PCDHGB7: variants seen among roughly 807,000 people sequenced by gnomAD.
The protein encoded by PCDHGB7 is protocadherin gamma-B7.
In PCDHGB7, 37 loss-of-function variants were observed where a neutral mutation model predicts 61.4. That is an observed-to-expected ratio of 0.60 (90% CI 0.46 to 0.79). The LOEUF (loss-of-function observed/expected upper bound fraction) is 0.79, where lower values mean the gene tolerates loss of function less well. Among genes scored for constraint, PCDHGB7 ranks in the 30% least tolerant of loss-of-function variants. The probability of loss-of-function intolerance (pLI) is 0.00; values close to 1 mark genes in which losing one functional copy is unlikely to be tolerated. For synonymous variants in PCDHGB7, 464 were observed against 503.5 expected (o/e 0.92, Z 1.05); for missense variants, 1,166 against 1,202.5 (o/e 0.97, Z 0.45).
chr5:141,421,109 T>C (rs2096547097), intron 1 of PCDHGB7: 2 of 715,670 alleles, frequency 2.8e-6, no homozygotes, highest in East Asian at 2.8e-5. Flanking sequence ...GACTTAGAAG[T>C]ATTTTCCTTC....
In PCDHGB7 at chr5:141,432,927, G is replaced by T. The variant is rs774982939; in HGVS notation, c.2415+12653G>T. ...AGGCTGCGGCGCTGGCACAAGTCAC[G>T]CCTGCTGCAGGCTTCAGGAGGCGGC... is the stretch of plus-strand genomic sequence containing the variant. On this transcript the variant is annotated intron_variant, in intron 1 of 3. Coordinates refer to ENST00000398594, the MANE Select transcript of PCDHGB7 (RefSeq NM_018927.4). This position sits in a 1 kb window ranked among gnomAD's most constrained non-coding sequence, Gnocchi z 6.0. 1.9e-6 allele frequency: 3 copies of T among 1,614,162 alleles called. No homozygotes were observed. In the Admixed American group the frequency reaches 5.0e-5, roughly 27 times the overall value.
intron 3 of PCDHGB7, 157 bp downstream of exon 3, chr5:141,505,638 T>C: frequency 1.0e-6 from 1 of 968,044 alleles, no homozygotes; most frequent in Non-Finnish European, 1.2e-6. Context: ...ACATAAAGCC[T>C]GGAATTGTGG....
Position 141,432,917 on chromosome 5 carries a change from C to A in PCDHGB7, c.2415+12643C>A. 6.2e-7 allele frequency: 1 copy of A among 1,614,166 alleles called. No homozygotes were observed. Among genetic ancestry groups the A allele is most frequent in the South Asian group, 1.1e-5 (1 of 91,086 alleles). On this transcript the variant is annotated intron_variant, in intron 1 of 3. Transcript: ENST00000398594. This position sits in a 1 kb window ranked among gnomAD's most constrained non-coding sequence, Gnocchi z 6.0. The stretch of plus-strand genomic sequence containing the variant: ...GCTGGCGCTCAGGCTGCGGCGCTGG[C>A]ACAAGTCACGCCTGCTGCAGGCTTC...
At chr5:141,421,065 A>C in intron 1 of PCDHGB7, 1 of 591,556 alleles carries the variant, frequency 1.7e-6, no homozygotes. Flanking sequence ...CACAAAGCGG[A>C]ATGAGATGGA....
intron 1 of PCDHGB7, chr5:141,423,387 G>A (rs373190092): frequency 6.2e-7 from 1 of 1,614,162 alleles, no homozygotes; most frequent in Non-Finnish European, 8.5e-7. Context: ...TGTGGCGCTG[G>A]CATAAGTCAC....
intron 1 of PCDHGB7, chr5:141,433,024 C>A: frequency 6.2e-7 from 1 of 1,614,168 alleles, no homozygotes; most frequent in African/African-American, 1.3e-5. Flanking sequence ...CCTATTCCCA[C>A]GAGGTTTCCC....
chr5:141,433,328 G>A (rs965877578), intron 1 of PCDHGB7: 3 of 724,464 alleles, frequency 4.1e-6, no homozygotes, highest in African/African-American at 3.6e-5. Context: ...GGTGTAACAG[G>A]GACTACAGGT....
rs1372368815 is a variant in PCDHGB7 at position 141,491,370 on chromosome 5, C to T, written c.2416-3437C>T. 3 of 1,614,038 alleles carry T rather than the reference C, an allele frequency of 1.9e-6. No individual in the cohort carries two copies. The highest frequency in any genetic ancestry group is 2.2e-5 in the East Asian group (1 of 44,880). ...GTCTCTTATCCCTAGTCACCTTCAC[C>T]TTTCTGTCAGCGAAGTGCCTTCAGG... On this transcript the variant is annotated intron_variant, in intron 1 of 3. Transcript: ENST00000398594. The surrounding 1 kb of genome is among the most constrained non-coding windows in gnomAD (Gnocchi z 6.9).
In PCDHGB7 at chr5:141,482,843, G is replaced by T. The variant is rs1005014887; in HGVS notation, c.2416-11964G>T. On this transcript the variant is annotated intron_variant, in intron 1 of 3. Transcript: ENST00000398594. ...TCCTAGCACTTTGGGAGGCCAAGGT[G>T]GGCAGATCACTTGAGGTCAGGAGTT... Among the ~76,000 whole-genome samples the T allele has an allele frequency of 4.3e-5, 6 of 140,152 alleles. No homozygotes were observed. The South Asian group carries it at 8.6e-4, about 20-fold the overall frequency. 91.9% of individuals were successfully genotyped at this position (140,152 alleles called of 152,430 possible).
intron 1 of PCDHGB7, among the ~76,000 whole-genome samples, chr5:141,438,623 TATATATATATATACACACAC>T (rs1272037524): frequency 7.0e-5 from 3 of 42,840 alleles, no homozygotes; most frequent in African/African-American, 1.6e-4. Flanking sequence ...TATATATATA[TATATATATATATACACACAC>T]ACACACACAT....
intron 1 of PCDHGB7, among the ~76,000 whole-genome samples, chr5:141,438,633 TATACACAC>T (rs1401551511): frequency 0.055 from 1,851 of 33,458 alleles, 10 homozygotes; most frequent in African/African-American, 0.082. Flanking sequence ...TATATATATA[TATACACAC>T]ACACACACAC....
rs1387677265 is a variant in PCDHGB7 at position 141,486,434 on chromosome 5, T to C, written c.2416-8373T>C. 3 of 1,614,150 alleles carry C rather than the reference T, an allele frequency of 1.9e-6. No homozygotes were observed. The highest frequency in any genetic ancestry group is 2.5e-6 in the Non-Finnish European group (3 of 1,179,986). The stretch of plus-strand genomic sequence containing the variant: ...CTTGGATCGAGAGGCCAAATCTAGC[T>C]ATGACATCATGGTCACTGCTTCTGA... On this transcript the variant is annotated intron_variant, in intron 1 of 3. Coordinates refer to ENST00000398594, the MANE Select transcript of PCDHGB7 (RefSeq NM_018927.4). This position sits in a 1 kb window ranked among gnomAD's most constrained non-coding sequence, Gnocchi z 5.0.
chr5:141,497,702 G>A (rs904199928), intron 2 of PCDHGB7, among the ~76,000 whole-genome samples: 16 of 152,054 alleles, frequency 1.1e-4, no homozygotes, highest in African/African-American at 3.9e-4. Context: ...ACCACACCCA[G>A]CTCATTTTTG....
intron 1 of PCDHGB7, 161 bp from the exon 2 acceptor site, chr5:141,494,646 T>C (rs1324048407): frequency 1.1e-6 from 1 of 935,836 alleles, no homozygotes; most frequent in East Asian, 1.2e-4. Flanking sequence ...AGACCTGAGG[T>C]GTATTTTGTC....
In PCDHGB7 at chr5:141,511,217, C is replaced by A. The variant is rs766814445; in HGVS notation, c.*44C>A. On this transcript the variant is annotated 3_prime_UTR_variant, in exon 4 of 4. Transcript: ENST00000398594. ...AGCCACAGGGCGGCCTCTCCCCAAC[C>A]AGCCCAGCTTCTCCTTACCTGCACC... The A allele has an allele frequency of 2.5e-6, 4 of 1,607,588 alleles. No homozygotes were observed. Among genetic ancestry groups the A allele is most frequent in the Non-Finnish European group, 3.4e-6 (4 of 1,177,026 alleles).
At chr5:141,421,017 T>TGC (rs1489188484) in intron 1 of PCDHGB7, 1 of 518,776 alleles carries the variant, frequency 1.9e-6, no homozygotes, top group African/African-American at 2.0e-5. Flanking sequence ...AATGGGAAGC[T>TGC]GCGCGCCATT....
At position 141,489,257 on chromosome 5, in the gene PCDHGB7, T is replaced by TC. The variant is rs773157586; in HGVS notation, c.2416-5547dup. The stretch of plus-strand genomic sequence containing the variant: ...TTCTGGGTCATGGGGCCCAAGACAC[T>TC]CCCACAGCTCGCTGGGAAATGGCAA... On this transcript the variant is annotated intron_variant, in intron 1 of 3. Coordinates refer to ENST00000398594, the MANE Select transcript of PCDHGB7 (RefSeq NM_018927.4). The surrounding 1 kb of genome is among the most constrained non-coding windows in gnomAD (Gnocchi z 4.5). 1 of 1,550,308 alleles carries TC rather than the reference T, an allele frequency of 6.5e-7. No homozygotes were observed. Among genetic ancestry groups the TC allele is most frequent in the Non-Finnish European group, 8.7e-7 (1 of 1,148,342 alleles).
rs781550738 is a variant in PCDHGB7 at position 141,487,383 on chromosome 5, C to A, written c.2416-7424C>A. On this transcript the variant is annotated intron_variant, in intron 1 of 3. Transcript: ENST00000398594. This position sits in a 1 kb window ranked among gnomAD's most constrained non-coding sequence, Gnocchi z 5.0. Reference sequence around the variant, plus strand: ...GGCACCTGTGCCTGTCTCACCAGATCTCGAAGGAGGGAGGGGCTTCCCCCT... The same window carrying A: ...GGCACCTGTGCCTGTCTCACCAGATATCGAAGGAGGGAGGGGCTTCCCCCT... The A allele has an allele frequency of 3.7e-6, 6 of 1,614,196 alleles. No individual in the cohort carries two copies. The South Asian group carries it at 6.6e-5, about 18-fold the overall frequency.
chr5:141,447,849 G>A (rs2154561912), intron 1 of PCDHGB7, among the ~76,000 whole-genome samples: 1 of 152,306 alleles, frequency 6.6e-6, no homozygotes, highest in East Asian at 1.9e-4. Context: ...GCTTTGGGAG[G>A]CCGAGGTGGG....
Sources: allele counts gnomAD v4.1 joint callset (sites outside exome capture counted in the v4.1 genomes callset), GRCh38; gene constraint gnomAD v4.1.1; non-coding constraint Gnocchi (gnomAD v3.1); transcripts MANE v1.5; gene names NCBI Gene and HGNC (gene_info 2026-07-23, HGNC 2026-07-21).